SH3GL1: variants seen among roughly 807,000 people sequenced by gnomAD.
SH3GL1 encodes the protein SH3 domain containing GRB2 like 1, endophilin A2.
Under a neutral mutation model 48.8 loss-of-function variants are expected in SH3GL1, and 21 were observed. That is an observed-to-expected ratio of 0.43 (90% CI 0.30 to 0.62). SH3GL1 has a LOEUF of 0.62. Among genes scored for constraint, SH3GL1 ranks in the 20% least tolerant of loss-of-function variants. The probability of loss-of-function intolerance (pLI) is 0.11; values close to 1 mark genes in which losing one functional copy is unlikely to be tolerated. For missense variants in SH3GL1, 454 were observed against 503.0 expected (o/e 0.90, Z 0.93); for synonymous variants, 282 against 217.5 (o/e 1.30, Z -2.61).
At chr19:4,362,566 C>T (rs368110920) in intron 8 of SH3GL1, 46 bp downstream of exon 8, 3 of 1,611,200 alleles carry the variant, frequency 1.9e-6, no homozygotes, top group East Asian at 4.5e-5. Flanking sequence ...TGGCCACTCC[C>T]ACCCGCTGGC....
intron 2 of SH3GL1, 80 bp from the exon 3 acceptor site, chr19:4,366,653 C>T: frequency 1.5e-6 from 2 of 1,352,424 alleles, no homozygotes; most frequent in Non-Finnish European, 2.1e-6. Flanking sequence ...TGCACCGCCT[C>T]CTGCCCTAAG....
In SH3GL1 at chr19:4,400,349, T is replaced by A; in HGVS notation, c.20A>T (p.Lys7Met). The A allele has an allele frequency of 1.9e-6, 3 of 1,593,806 alleles. No homozygotes were observed. Among genetic ancestry groups the A allele is most frequent in the Non-Finnish European group, 2.6e-6 (3 of 1,173,842 alleles). Residue 7 changes from lysine to methionine, a missense_variant, in exon 1 of 10, where the codon AAG becomes ATG. Around this residue, in one of 2 missense-constraint regions of SH3GL1, gnomAD observed 176 missense variants for 256.2 expected, o/e 0.69. Transcript: ENST00000269886. The surrounding 1 kb of genome is among the most constrained non-coding windows in gnomAD (Gnocchi z 4.1). The part of the protein sequence containing the change: MSVAGL[K>M]KQFYKASQLV... ...CTGGCTCGCCTTGTAGAACTGCTTC[T>A]TCAGCCCCGCCACCGACATGCTGCC...
Position 4,365,567 on chromosome 19 carries a change from C to G in SH3GL1, c.246G>C (p.Lys82Asn). ...NTVSKIRGQV[K>N]NPGYPQSEGL... ...CCTCCGACTGCGGGTAGCCGGGGTT[C>G]TTCACCTGGCCCCGGATCTTGGACA... The change falls in exon 4 of 10, where the codon AAG (lysine) becomes AAC (asparagine). Residue 82 changes from lysine to asparagine, a missense_variant. Physicochemically the swap from Lys to Asn is moderately conservative, Grantham distance 94 (BLOSUM62 0). Coordinates refer to ENST00000269886, the MANE Select transcript of SH3GL1 (RefSeq NM_003025.4). 6.2e-7 allele frequency: 1 copy of G among 1,614,138 alleles called. No homozygotes were observed. Among genetic ancestry groups the G allele is most frequent in the Non-Finnish European group, 8.5e-7 (1 of 1,180,038 alleles).
Position 4,361,459 on chromosome 19 carries a change from G to A in SH3GL1, c.*141C>T. ...ACCCAAGTGTGGGGTCCTGCTCAGGGAGTACCTCAAGGGCCGGGGCCCAGG... is the reference window on the plus strand; with the variant it reads ...ACCCAAGTGTGGGGTCCTGCTCAGGAAGTACCTCAAGGGCCGGGGCCCAGG... On this transcript the variant is annotated 3_prime_UTR_variant, in exon 10 of 10. Transcript: ENST00000269886. 4.6e-6 allele frequency: 3 copies of A among 646,192 alleles called. No homozygotes were observed. The highest frequency in any genetic ancestry group is 8.1e-6 in the Non-Finnish European group (3 of 372,090). The allele number at this position is 646,192 out of a possible 1,614,324, so 40.0% of individuals were successfully genotyped here. A position where few individuals can be genotyped will look rare whatever the true frequency, so the allele number is the denominator to read the frequency against.
At chr19:4,385,818 G>A (rs189819446) in intron 1 of SH3GL1, among the ~76,000 whole-genome samples, 32 of 152,294 alleles carry the variant, frequency 2.1e-4, no homozygotes, top group African/African-American at 7.2e-4. Flanking sequence ...GCATTCCAGC[G>A]GCCTCCGAGC....
chr19:4,398,948 TAG>T (rs1181013286), intron 1 of SH3GL1, among the ~76,000 whole-genome samples: 1 of 152,132 alleles, frequency 6.6e-6, no homozygotes, highest in African/African-American at 2.4e-5. Flanking sequence ...CGGTAAACAA[TAG>T]AGATATCTAT....
In SH3GL1 at chr19:4,388,017, C is replaced by T. The variant is rs377454106; in HGVS notation, c.45+12307G>A. ...TGGGATTACAGCCATGCGCCACCCA[C>T]GCCCAGCTAATTTTTGTATTTTTAG... On this transcript the variant is annotated intron_variant, in intron 1 of 9. Coordinates refer to ENST00000269886, the MANE Select transcript of SH3GL1 (RefSeq NM_003025.4). 2.7e-4 allele frequency among the ~76,000 whole-genome samples: 41 copies of T among 152,156 alleles called. No individual in the cohort carries two copies. In the South Asian group the frequency reaches 6.2e-3, roughly 23 times the overall value.
At chr19:4,372,637 G>A (rs1203063922) in intron 1 of SH3GL1, among the ~76,000 whole-genome samples, 3 of 152,164 alleles carry the variant, frequency 2.0e-5, no homozygotes, top group African/African-American at 7.2e-5. Context: ...CATCTGCAAC[G>A]CCCTTCCCTG....
intron 1 of SH3GL1, among the ~76,000 whole-genome samples, chr19:4,370,991 G>A (rs1186845667): frequency 6.6e-6 from 1 of 152,208 alleles, no homozygotes; most frequent in Non-Finnish European, 1.5e-5. Context: ...ACCTGCACCC[G>A]CCACCTGCAT....
chr19:4,397,219 A>C (rs1973441466), intron 1 of SH3GL1, among the ~76,000 whole-genome samples: 1 of 152,232 alleles, frequency 6.6e-6, no homozygotes, highest in Non-Finnish European at 1.5e-5. Flanking sequence ...GTGACTTCTA[A>C]GAGCACGACT....
intron 1 of SH3GL1, among the ~76,000 whole-genome samples, chr19:4,393,873 A>G (rs1003009443): frequency 6.6e-6 from 1 of 152,074 alleles, no homozygotes; most frequent in Admixed American, 6.6e-5. Context: ...TGACATTCTG[A>G]AACACCAGCC....
chr19:4,399,817 C>T (rs937779956), intron 1 of SH3GL1, among the ~76,000 whole-genome samples: 10 of 152,234 alleles, frequency 6.6e-5, no homozygotes, highest in African/African-American at 2.2e-4. Flanking sequence ...GAGTCGATGA[C>T]AGTCGCTTGT....
At chr19:4,387,719 T>C (rs1973261999) in intron 1 of SH3GL1, among the ~76,000 whole-genome samples, 1 of 152,106 alleles carries the variant, frequency 6.6e-6, no homozygotes, top group African/African-American at 2.4e-5. Context: ...TTGTGTTGTT[T>C]TGTTTTTGAG....
Position 4,362,326 on chromosome 19 carries a change from C to G in SH3GL1, c.910+3G>C, listed in dbSNP as rs1460435860. The stretch of plus-strand genomic sequence containing the variant: ...AGGTCGAGGCGGGCCTGGGAACACT[C>G]ACGCATGCTCCGGCTAGGGGTCCGG... On this transcript the variant is annotated splice_donor_region_variant and intron_variant, in intron 9 of 9. Transcript: ENST00000269886. 1 of 1,610,896 alleles carries G rather than the reference C, an allele frequency of 6.2e-7. No individual in the cohort carries two copies.
Position 4,363,451 on chromosome 19 carries a change from G to C in SH3GL1, c.647C>G (p.Ser216Trp). The C allele has an allele frequency of 6.2e-7, 1 of 1,612,688 alleles. No homozygotes were observed. Among genetic ancestry groups the C allele is most frequent in the Non-Finnish European group, 8.5e-7 (1 of 1,179,656 alleles). The change falls in exon 7 of 10, where the codon TCG (serine) becomes TGG (tryptophan). Residue 216 changes from serine to tryptophan, a missense_variant. Physicochemically the swap from Ser to Trp is radical, Grantham distance 177. Coordinates refer to ENST00000269886, the MANE Select transcript of SH3GL1 (RefSeq NM_003025.4). ...GTCCAGCTGTGCATCCACCAGGGCC[G>C]AGAGCTGACTCACCTGCTCGATCTG... ...ETDIEQVSQL[S>W]ALVDAQLDYH...
At chr19:4,382,830 G>GT (rs1238614618) in intron 1 of SH3GL1, among the ~76,000 whole-genome samples, 2 of 152,182 alleles carry the variant, frequency 1.3e-5, no homozygotes. Flanking sequence ...CTGAGCCACT[G>GT]TTCAGAGGGG....
chr19:4,363,812 T>C lies in SH3GL1; in HGVS notation c.532A>G (p.Ile178Val). ...FDYKKKRQGK[I>V]PDEELRQALE... ...GCCTGGCGTAGCTCCTCATCGGGGATCTTGCCCTGCCGCTTCTTCTTGTAG... is the reference window on the plus strand; with the variant it reads ...GCCTGGCGTAGCTCCTCATCGGGGACCTTGCCCTGCCGCTTCTTCTTGTAG... The change falls in exon 6 of 10, where the codon ATC (isoleucine) becomes GTC (valine). Residue 178 changes from isoleucine (I) to valine (V), a missense_variant. Transcript: ENST00000269886. 1 of 1,613,596 alleles carries C rather than the reference T, an allele frequency of 6.2e-7. No homozygotes were observed. The highest frequency in any genetic ancestry group is 8.5e-7 in the Non-Finnish European group (1 of 1,180,024).
In SH3GL1 at chr19:4,362,378, CGAT is replaced by C. The variant is rs1392283821; in HGVS notation, c.858_860del (p.Ser288del). ...TGGGCTTGTCGGAAGATCGGAAAGACGATGAAGCTAAACACAAGCAAAACGAGG... is the reference window on the plus strand; with the variant it reads ...TGGGCTTGTCGGAAGATCGGAAAGACGAAGCTAAACACAAGCAAAACGAGG... On this transcript the variant is annotated inframe_deletion, in exon 9 of 10. Transcript: ENST00000269886. The C allele has an allele frequency of 6.2e-6, 10 of 1,611,408 alleles. No individual in the cohort carries two copies. The East Asian group carries it at 1.3e-4, about 22-fold the overall frequency.
chr19:4,368,352 G>A (rs936520993), intron 1 of SH3GL1, among the ~76,000 whole-genome samples: 6 of 152,206 alleles, frequency 3.9e-5, no homozygotes, highest in South Asian at 2.1e-4. Context: ...CAGGAAGTGC[G>A]GGGGCAGGAG....
Sources: gnomAD v4.1 joint callset for allele counts (sites outside exome capture counted in the v4.1 genomes callset) on GRCh38, gnomAD v4.1.1 for gene constraint, gnomAD v4.1.1 regional missense constraint, Gnocchi (gnomAD v3.1) non-coding constraint, MANE v1.5 for transcripts, NCBI Gene and HGNC (gene_info 2026-07-23, HGNC 2026-07-21) for gene names.